PTPRT: variants seen among roughly 807,000 people sequenced by gnomAD.
The protein encoded by PTPRT is protein tyrosine phosphatase receptor type T.
In PTPRT, 56 loss-of-function variants were observed where a neutral mutation model predicts 176.8. That is an observed-to-expected ratio of 0.32 (90% CI 0.26 to 0.40). The LOEUF (loss-of-function observed/expected upper bound fraction) is 0.40, where lower values mean the gene tolerates loss of function less well. Ranked by LOEUF, PTPRT falls within the 10% of genes least tolerant of loss-of-function variation. PTPRT has a pLI of 1.00. For synonymous variants in PTPRT, 783 were observed against 739.0 expected, an observed-to-expected ratio of 1.06 and a Z score of -0.96; for missense variants, 1,540 against 1,908.2, an observed-to-expected ratio of 0.81 and a Z score of 3.60.
chr20:42,769,656 C>T (rs532683761), intron 5 of PTPRT, among the ~76,000 whole-genome samples: 1 of 152,336 alleles, frequency 6.6e-6, no homozygotes, highest in South Asian at 2.1e-4. Context: ...GAATACGTCT[C>T]TACGAAGACT....
At chr20:43,080,174 A>T (rs899052788) in intron 1 of PTPRT, among the ~76,000 whole-genome samples, 1 of 152,202 alleles carries the variant, frequency 6.6e-6, no homozygotes, top group Non-Finnish European at 1.5e-5. Context: ...CTATGAAAGG[A>T]GGTGACATAT....
chr20:42,671,551 A>T (rs2075413273), intron 7 of PTPRT, among the ~76,000 whole-genome samples: 1 of 152,198 alleles, frequency 6.6e-6, no homozygotes, highest in African/African-American at 2.4e-5. Flanking sequence ...ATGATGAACA[A>T]CAAAAGAATA....
intron 7 of PTPRT, among the ~76,000 whole-genome samples, chr20:42,639,938 C>T (rs1383474269): frequency 6.6e-6 from 1 of 152,060 alleles, no homozygotes; most frequent in East Asian, 1.9e-4. Flanking sequence ...CAGAAAATCC[C>T]TCTCCCCCCA....
chr20:42,996,371 G>C (rs1984224233), intron 1 of PTPRT, among the ~76,000 whole-genome samples: 1 of 152,188 alleles, frequency 6.6e-6, no homozygotes, highest in Non-Finnish European at 1.5e-5. Context: ...CATATGAGAA[G>C]TGAGATTTGA....
At chr20:42,724,645 C>A (rs1600665018) in intron 6 of PTPRT, among the ~76,000 whole-genome samples, 1 of 152,274 alleles carries the variant, frequency 6.6e-6, no homozygotes, top group East Asian at 1.9e-4. Flanking sequence ...TAAATAATCT[C>A]TTCATGCCTA....
At chr20:42,139,871 C>G (rs1457629273) in intron 18 of PTPRT, among the ~76,000 whole-genome samples, 1 of 152,290 alleles carries the variant, frequency 6.6e-6, no homozygotes, top group African/African-American at 2.4e-5. Flanking sequence ...CAGTGCCCAT[C>G]ACAGGGCCTG....
chr20:42,110,542 C>CAGCAACACGTGGAGCCAT, intron 22 of PTPRT, 55 bp from the exon 23 acceptor site: 1 of 1,530,802 alleles, frequency 6.5e-7, no homozygotes, highest in Non-Finnish European at 8.8e-7. Flanking sequence ...ATACCCAGCC[C>CAGCAACACGTGGAGCCAT]AGCAACACGT....
chr20:43,168,947 C>T (rs991037533), intron 1 of PTPRT, among the ~76,000 whole-genome samples: 1 of 152,210 alleles, frequency 6.6e-6, no homozygotes, highest in Non-Finnish European at 1.5e-5. Flanking sequence ...CTAACCCCCA[C>T]AGCAGACATG....
At chr20:42,549,541 C>T (rs924444057) in intron 7 of PTPRT, among the ~76,000 whole-genome samples, 5 of 152,162 alleles carry the variant, frequency 3.3e-5, no homozygotes, top group African/African-American at 9.7e-5. Flanking sequence ...ATGCTATAAA[C>T]TGTGGCCCAT....
intron 7 of PTPRT, among the ~76,000 whole-genome samples, chr20:42,635,376 A>C (rs1027008932): frequency 1.3e-5 from 2 of 152,174 alleles, no homozygotes; most frequent in African/African-American, 4.8e-5. Flanking sequence ...CCTGAAATCT[A>C]TGCACAAAAG....
intron 9 of PTPRT, among the ~76,000 whole-genome samples, chr20:42,396,857 C>T (rs1168538168): frequency 6.6e-6 from 1 of 152,214 alleles, no homozygotes; most frequent in Non-Finnish European, 1.5e-5. Context: ...TGAGCCCGGT[C>T]ACTTTGCACT....
chr20:42,229,492 T>G (rs2146827743), intron 15 of PTPRT, among the ~76,000 whole-genome samples: 1 of 152,368 alleles, frequency 6.6e-6, no homozygotes, highest in African/African-American at 2.4e-5. Context: ...TAAATAACTT[T>G]TGAGTATCTC....
intron 1 of PTPRT, among the ~76,000 whole-genome samples, chr20:43,022,024 G>T (rs1393487131): frequency 1.3e-5 from 2 of 152,120 alleles, no homozygotes; most frequent in Admixed American, 1.3e-4. Context: ...GATCTTTCTT[G>T]GAAGCCCCAC....
intron 7 of PTPRT, among the ~76,000 whole-genome samples, chr20:42,536,493 T>C (rs936675805): frequency 2.0e-5 from 3 of 152,192 alleles, no homozygotes; most frequent in Admixed American, 2.0e-4. Context: ...CGTAGCACAT[T>C]TGTCAGGAGA....
chr20:42,585,459 CATTCAGAA>C (rs2073455770), intron 7 of PTPRT, among the ~76,000 whole-genome samples: 1 of 152,024 alleles, frequency 6.6e-6, no homozygotes, highest in African/African-American at 2.4e-5. Context: ...TATTTTTTGA[CATTCAGAA>C]ATTCTAGCAT....
At position 42,959,872 on chromosome 20, in the gene PTPRT, T is replaced by C. The variant is rs111344857; in HGVS notation, c.89-73940A>G. 9.3e-3 allele frequency among the ~76,000 whole-genome samples: 1,411 copies of C among 152,148 alleles called. 23 individuals are homozygous for C. The highest frequency in any genetic ancestry group is 0.032 in the African/African-American group (1,335 of 41,496). ...AGAACAAGGACAGGAGACACAGAAA[T>C]AGCCCAGCCGACAATGGACAGTGCC... On this transcript the variant is annotated intron_variant, in intron 1 of 30. Coordinates refer to ENST00000373187, the MANE Select transcript of PTPRT (RefSeq NM_007050.6).
chr20:42,262,772 G>A (rs958230272), intron 13 of PTPRT, among the ~76,000 whole-genome samples: 10 of 149,388 alleles, frequency 6.7e-5, no homozygotes, highest in African/African-American at 2.2e-4. Flanking sequence ...AGAGTTGATA[G>A]AAACCAAACA....
chr20:43,083,321 T>TGTATATATATATATATATATATACAC (rs1491174501), intron 1 of PTPRT, among the ~76,000 whole-genome samples: 1 of 11,426 alleles, frequency 8.8e-5, no homozygotes, highest in African/African-American at 4.2e-4. Context: ...ACTTCAAATG[T>TGTATATATATATATATATATATACAC]ATATATATAT....
intron 1 of PTPRT, among the ~76,000 whole-genome samples, chr20:43,030,532 A>C (rs969591451): frequency 2.0e-5 from 3 of 152,110 alleles, no homozygotes; most frequent in Non-Finnish European, 2.9e-5. Flanking sequence ...GGCATAAGCC[A>C]TGTTGTGAAT....
Sources: allele counts gnomAD v4.1 joint callset (sites outside exome capture counted in the v4.1 genomes callset), GRCh38; gene constraint gnomAD v4.1.1; transcripts MANE v1.5; gene names NCBI Gene and HGNC (gene_info 2026-07-23, HGNC 2026-07-21).